Variants in DUSP4 observed in about 807,000 individuals in gnomAD.
The protein encoded by DUSP4 is dual specificity protein phosphatase 4.
A neutral mutation model predicts 27.2 loss-of-function variants in DUSP4; 12 were observed. The observed-to-expected ratio is 0.44, with a 90% CI of 0.28 to 0.71. The LOEUF is 0.71. Among genes scored for constraint, DUSP4 ranks in the 30% least tolerant of loss-of-function variants. DUSP4 has a pLI of 0.14. For missense variants in DUSP4, 448 were observed against 551.3 expected (o/e 0.81, Z 1.88); for synonymous variants, 257 against 245.2 (o/e 1.05, Z -0.45).
chr8:29,341,687 C>A (rs1290398772), intron 1 of DUSP4, among the ~76,000 whole-genome samples: 2 of 152,172 alleles, frequency 1.3e-5, no homozygotes, highest in Non-Finnish European at 2.9e-5. Context: ...CACAGAAGCA[C>A]CCCCTCCCTC....
Position 29,350,460 on chromosome 8 carries a change from C to A in DUSP4, c.-182G>T, listed in dbSNP as rs2117280761. Reference sequence around the variant, plus strand: ...CCCTGTCCCCTTCCTCCCGCAGCCTCGCGGTCACATAGCAGTCGGAGCGGC... The same window carrying A: ...CCCTGTCCCCTTCCTCCCGCAGCCTAGCGGTCACATAGCAGTCGGAGCGGC... On this transcript the variant is annotated 5_prime_UTR_variant, in exon 1 of 4. Transcript: ENST00000240100. 1.3e-6 allele frequency: 1 copy of A among 751,766 alleles called. No homozygotes were observed. The highest frequency in any genetic ancestry group is 2.9e-5 in the East Asian group (1 of 34,190). 46.6% of individuals were successfully genotyped at this position (751,766 alleles called of 1,614,324 possible).
intron 1 of DUSP4, among the ~76,000 whole-genome samples, chr8:29,343,821 G>A (rs1435182681): frequency 6.6e-6 from 1 of 152,134 alleles, no homozygotes; most frequent in African/African-American, 2.4e-5. Context: ...CCTCTCCTGG[G>A]TCACAATATA....
chr8:29,350,194 C>T lies in DUSP4; in HGVS notation c.85G>A (p.Gly29Ser), dbSNP rs779657832. The T allele has an allele frequency of 1.9e-6, 3 of 1,607,808 alleles. No homozygotes were observed. The highest frequency in any genetic ancestry group is 2.2e-5 in the South Asian group (2 of 90,866). The change falls in exon 1 of 4, where the codon GGC becomes AGC. Residue 29 changes from glycine to serine, a missense_variant. Gly to Ser is a moderately conservative substitution (Grantham distance 56). This residue lies in a region of DUSP4 where 345 missense variants were observed against 394.0 expected (regional missense o/e 0.88). Coordinates refer to ENST00000240100, the MANE Select transcript of DUSP4 (RefSeq NM_001394.7). ...AGGGTGCCGTGGCTGCCGCTGCCGC[C>T]CGCGCCGCCGCCATTCTCGTCCCGG... is the stretch of plus-strand genomic sequence containing the variant. ...MNRDENGGGA[G>S]GSGSHGTLGL...
chr8:29,342,039 A>C (rs2056025), intron 1 of DUSP4, among the ~76,000 whole-genome samples: 27,507 of 152,192 alleles, frequency 0.18, 2,934 homozygotes, highest in African/African-American at 0.28. Flanking sequence ...GGTGTCCTGC[A>C]AAAACTCACC....
chr8:29,348,100 A>G, intron 1 of DUSP4: 2 of 985,554 alleles, frequency 2.0e-6, no homozygotes, highest in Non-Finnish European at 2.4e-6. Context: ...TCCAGACTCC[A>G]CGTGGGGCTG....
intron 1 of DUSP4, chr8:29,345,853 TA>T: frequency 9.4e-7 from 1 of 1,061,262 alleles, no homozygotes; most frequent in Non-Finnish European, 1.1e-6. Context: ...TGCTTCATTG[TA>T]AAAAATCACC....
In DUSP4 at chr8:29,338,474, G is replaced by A. The variant is rs775693732; in HGVS notation, c.607C>T (p.Leu203Phe). Residue 203 changes from leucine (L) to phenylalanine (F), a missense_variant, in exon 3 of 4, where the codon CTC becomes TTC. Coordinates refer to ENST00000240100, the MANE Select transcript of DUSP4 (RefSeq NM_001394.7). Reference protein sequence around the residue: ...QGGPVEILPFLYLGSAYHAAR... With the variant: ...QGGPVEILPFFYLGSAYHAAR... Reference sequence around the variant, plus strand: ...GCATGGTAGGCACTGCCGAGGTAGAGGAAGGGAAGGATCTCCACAGGACCC... The same window carrying A: ...GCATGGTAGGCACTGCCGAGGTAGAAGAAGGGAAGGATCTCCACAGGACCC... 1 of 1,613,832 alleles carries A rather than the reference G, an allele frequency of 6.2e-7. No homozygotes were observed.
chr8:29,350,352 G>A lies in DUSP4; in HGVS notation c.-74C>T. On this transcript the variant is annotated 5_prime_UTR_variant, in exon 1 of 4. Transcript: ENST00000240100. ...CCGGGCCGCCTAGGCTGCAGAAAGGGGCGGGCGAGAGCTAAGAAGGGACGC... is the reference window on the plus strand; with the variant it reads ...CCGGGCCGCCTAGGCTGCAGAAAGGAGCGGGCGAGAGCTAAGAAGGGACGC... The A allele has an allele frequency of 2.0e-6, 3 of 1,483,900 alleles. No individual in the cohort carries two copies. The highest frequency in any genetic ancestry group is 2.7e-6 in the Non-Finnish European group (3 of 1,121,802). 91.9% of individuals were successfully genotyped at this position (1,483,900 alleles called of 1,614,324 possible).
chr8:29,348,515 C>T, intron 1 of DUSP4: 1 of 985,578 alleles, frequency 1.0e-6, no homozygotes, highest in Non-Finnish European at 1.2e-6. Flanking sequence ...AGCAGTTCAA[C>T]CAAAGGTCAA....
intron 1 of DUSP4, among the ~76,000 whole-genome samples, chr8:29,342,288 A>G (rs1414626899): frequency 6.6e-6 from 1 of 152,208 alleles, no homozygotes; most frequent in Non-Finnish European, 1.5e-5. Context: ...CTGAGCATGT[A>G]TCACCTGTGC....
chr8:29,350,384 A>T lies in DUSP4; in HGVS notation c.-106T>A. On this transcript the variant is annotated 5_prime_UTR_variant, in exon 1 of 4. Transcript: ENST00000240100. ...GAGAGCTAAGAAGGGACGCCTGCAG[A>T]AGTGGCCGCAAACTTGGTCCTCAAG... 7.3e-7 allele frequency: 1 copy of T among 1,360,846 alleles called. No homozygotes were observed. Among genetic ancestry groups the T allele is most frequent in the Non-Finnish European group, 9.7e-7 (1 of 1,030,890 alleles). 84.3% of individuals were successfully genotyped at this position (1,360,846 alleles called of 1,614,324 possible).
In DUSP4 at chr8:29,338,469, G is replaced by A. The variant is rs116066322; in HGVS notation, c.612C>T (p.Tyr204=). The A allele has an allele frequency of 3.3e-4, 535 of 1,613,956 alleles. 2 individuals carry two copies. The African/African-American group carries it at 6.5e-3, about 20-fold the overall frequency. Residue 204 remains tyrosine, a synonymous_variant, in exon 3 of 4, where the codon TAC becomes TAT. Transcript: ENST00000240100. ...GGPVEILPFL[Y]LGSAYHAARR... is the part of the protein sequence containing the mutation. ...GGGCAGCATGGTAGGCACTGCCGAG[G>A]TAGAGGAAGGGAAGGATCTCCACAG...
chr8:29,338,595 C>T, intron 2 of DUSP4, 94 bp from the exon 3 acceptor site: 1 of 1,399,486 alleles, frequency 7.1e-7, no homozygotes, highest in Admixed American at 2.0e-5. Context: ...GCTTTCCTTT[C>T]CAAACCCAGG....
At chr8:29,344,403 A>C (rs1480792150) in intron 1 of DUSP4, among the ~76,000 whole-genome samples, 1 of 152,198 alleles carries the variant, frequency 6.6e-6, no homozygotes, top group Non-Finnish European at 1.5e-5. Context: ...TGTCCTACTG[A>C]ATGTAATTCC....
intron 1 of DUSP4, chr8:29,347,778 G>A (rs899303463): frequency 8.1e-6 from 8 of 985,510 alleles, no homozygotes; most frequent in Non-Finnish European, 9.6e-6. Flanking sequence ...CCACCAGAGG[G>A]CTGTCATTTT....
At chr8:29,348,519 AG>A (rs1817770278) in intron 1 of DUSP4, 1 of 985,446 alleles carries the variant, frequency 1.0e-6, no homozygotes, top group South Asian at 4.7e-5. Flanking sequence ...GTTCAACCAA[AG>A]GTCAACAGCA....
intron 1 of DUSP4, among the ~76,000 whole-genome samples, chr8:29,346,965 T>A (rs1466746875): frequency 6.6e-6 from 1 of 152,182 alleles, no homozygotes; most frequent in East Asian, 1.9e-4. Context: ...ACACCAACCA[T>A]CAAGCCTTCC....
rs912564539 is a variant in DUSP4 at position 29,336,983 on chromosome 8, C to G, written c.*43G>C. 1.3e-6 allele frequency: 2 copies of G among 1,526,868 alleles called. No individual in the cohort carries two copies. The highest frequency in any genetic ancestry group is 2.7e-5 in the African/African-American group (2 of 72,856). The allele number at this position is 1,526,868 out of a possible 1,614,324, so 94.6% of individuals were successfully genotyped here. On this transcript the variant is annotated 3_prime_UTR_variant, in exon 4 of 4. Transcript: ENST00000240100. ...CTGCCCGCATGCGGCCCGTCCTACC[C>G]TTGCTGGGAGCCAGCTCTGGTTCTG...
chr8:29,340,609 T>C (rs557327901), intron 1 of DUSP4, among the ~76,000 whole-genome samples: 6 of 151,768 alleles, frequency 4.0e-5, no homozygotes, highest in African/African-American at 1.2e-4. Context: ...CCAAGGACAC[T>C]AAGTACCTGT....
Sources: gnomAD v4.1 joint callset for allele counts (sites outside exome capture counted in the v4.1 genomes callset) on GRCh38, gnomAD v4.1.1 for gene constraint, gnomAD v4.1.1 regional missense constraint, MANE v1.5 for transcripts, NCBI Gene and HGNC (gene_info 2026-07-23, HGNC 2026-07-21) for gene names.